Variants in LRMDA observed in about 807,000 individuals in gnomAD.
LRMDA encodes the protein leucine rich melanocyte differentiation associated.
LRMDA carries 18 observed loss-of-function variants against 29.8 expected under a neutral mutation model. That is an observed-to-expected ratio of 0.60 (90% CI 0.42 to 0.90). The LOEUF (loss-of-function observed/expected upper bound fraction) is 0.90. Among genes scored for constraint, LRMDA ranks in the 40% least tolerant of loss-of-function variants. LRMDA has a pLI of 0.00. For missense variants in LRMDA, 273 were observed against 273.9 expected (o/e 1.00, Z 0.02); for synonymous variants, 125 against 109.4 (o/e 1.14, Z -0.89).
rs1165888099 is a variant in LRMDA at position 76,497,014 on chromosome 10, G to A, written c.602-60195G>A. On this transcript the variant is annotated intron_variant, in intron 6 of 6. Transcript: ENST00000611255. Reference sequence around the variant, plus strand: ...TTGTGTAGGTTTCTTGTCTGCCAAGGCAATGAACAGATACATTATGGTCAC... The same window carrying A: ...TTGTGTAGGTTTCTTGTCTGCCAAGACAATGAACAGATACATTATGGTCAC... Among the ~76,000 whole-genome samples, 5 of 75,224 alleles carry A rather than the reference G, an allele frequency of 6.6e-5. 2 individuals are homozygous for A. The highest frequency in any genetic ancestry group is 1.6e-4 in the African/African-American group (5 of 30,930). The allele number at this position is 75,224 out of a possible 152,430, so 49.3% of individuals were successfully genotyped here.
chr10:75,884,272 T>TGTGTGG (rs1554831850), intron 2 of LRMDA, among the ~76,000 whole-genome samples: 6 of 145,368 alleles, frequency 4.1e-5, no homozygotes, highest in African/African-American at 1.4e-4. Flanking sequence ...TGTGTGTGTG[T>TGTGTGG]GTGTGTGTGT....
At chr10:76,070,842 C>T (rs920485621) in intron 5 of LRMDA, among the ~76,000 whole-genome samples, 9 of 152,132 alleles carry the variant, frequency 5.9e-5, no homozygotes, top group East Asian at 5.8e-4. Context: ...CCTCAGCCAC[C>T]GCACGAGACC....
intron 5 of LRMDA, among the ~76,000 whole-genome samples, chr10:76,213,251 C>A (rs1366001809): frequency 6.6e-6 from 1 of 152,192 alleles, no homozygotes; most frequent in Admixed American, 6.5e-5. Context: ...ATCTCTCTGT[C>A]GGGTGATTCA....
rs143353945 is a variant in LRMDA, at chr10:75,566,513, C to A, written c.131+128019C>A. On this transcript the variant is annotated intron_variant, in intron 2 of 6. Coordinates refer to ENST00000611255, the MANE Select transcript of LRMDA (RefSeq NM_001305581.2). Reference sequence around the variant, plus strand: ...AGCACTGCTAAGACTAAAATACTTTCTTAAAGGCCTCACATGGCTTTCTAG... The same window carrying A: ...AGCACTGCTAAGACTAAAATACTTTATTAAAGGCCTCACATGGCTTTCTAG... Among the ~76,000 whole-genome samples the A allele has an allele frequency of 1.7e-3, 259 of 152,268 alleles. 1 individual carries two copies. Among genetic ancestry groups the A allele is most frequent in the African/African-American group, 5.8e-3 (240 of 41,564 alleles).
chr10:76,199,859 T>A (rs994052977), intron 5 of LRMDA, among the ~76,000 whole-genome samples: 12 of 152,220 alleles, frequency 7.9e-5, no homozygotes, highest in African/African-American at 2.7e-4. Context: ...ATCTACAACA[T>A]GTGATGCACA....
At chr10:76,347,419 A>G (rs1259694559) in intron 6 of LRMDA, among the ~76,000 whole-genome samples, 8 of 152,336 alleles carry the variant, frequency 5.3e-5, no homozygotes, top group African/African-American at 1.7e-4. Context: ...TATAAATGCC[A>G]TTTAGAGAAA....
intron 5 of LRMDA, among the ~76,000 whole-genome samples, chr10:76,179,607 C>T (rs1005286583): frequency 6.6e-6 from 1 of 152,186 alleles, no homozygotes; most frequent in Admixed American, 6.5e-5. Flanking sequence ...CATCCTCAAA[C>T]ATTTGAACCG....
chr10:75,673,649 G>C (rs967271085), intron 2 of LRMDA, among the ~76,000 whole-genome samples: 2 of 152,154 alleles, frequency 1.3e-5, no homozygotes, highest in Non-Finnish European at 2.9e-5. Context: ...TTGCTGAGCA[G>C]AAATGTGAAG....
intron 2 of LRMDA, among the ~76,000 whole-genome samples, chr10:75,608,137 C>CAT (rs1210080229): frequency 3.0e-5 from 2 of 67,114 alleles, no homozygotes; most frequent in East Asian, 9.6e-4. Context: ...TATACACACA[C>CAT]ATACACAAAG....
At chr10:75,981,249 G>A (rs1031155678) in intron 2 of LRMDA, among the ~76,000 whole-genome samples, 1 of 152,122 alleles carries the variant, frequency 6.6e-6, no homozygotes, top group African/African-American at 2.4e-5. Flanking sequence ...AAGTCCATTT[G>A]TCTGACAATT....
At chr10:76,324,537 G>A (rs779505497) in intron 6 of LRMDA, 52 bp downstream of exon 6, 49 of 1,509,234 alleles carry the variant, frequency 3.2e-5, no homozygotes, top group Non-Finnish European at 4.4e-5. Context: ...GGGACACTTG[G>A]CTGTGCAGAG....
intron 6 of LRMDA, among the ~76,000 whole-genome samples, chr10:76,445,934 T>G (rs1842350156): frequency 6.6e-6 from 1 of 152,224 alleles, no homozygotes; most frequent in Admixed American, 6.5e-5. Context: ...ATCATTTTTA[T>G]TATTAAGAAA....
chr10:76,430,816 C>T (rs990261697), intron 6 of LRMDA, among the ~76,000 whole-genome samples: 1 of 152,148 alleles, frequency 6.6e-6, no homozygotes, highest in Non-Finnish European at 1.5e-5. Flanking sequence ...TGAGTGATTT[C>T]AACCTCCTAA....
intron 6 of LRMDA, among the ~76,000 whole-genome samples, chr10:76,385,519 G>T (rs557729928): frequency 6.6e-6 from 1 of 152,254 alleles, no homozygotes; most frequent in East Asian, 1.9e-4. Context: ...CAATTATTCT[G>T]GTTTTTCAAA....
intron 5 of LRMDA, among the ~76,000 whole-genome samples, chr10:76,190,467 T>C (rs1232059122): frequency 3.3e-5 from 5 of 152,130 alleles, no homozygotes; most frequent in Non-Finnish European, 7.4e-5. Context: ...TTTTGGTAAA[T>C]CTTCATGTTT....
intron 6 of LRMDA, among the ~76,000 whole-genome samples, chr10:76,348,155 T>C (rs1450158227): frequency 2.6e-5 from 4 of 151,970 alleles, no homozygotes; most frequent in African/African-American, 9.7e-5. Context: ...AGATTAGAAA[T>C]CAAAATGTAG....
chr10:75,670,227 A>G (rs1484891816), intron 2 of LRMDA, among the ~76,000 whole-genome samples: 1 of 152,234 alleles, frequency 6.6e-6, no homozygotes, highest in Non-Finnish European at 1.5e-5. Context: ...CTCCTTCATT[A>G]GCAAAAATGA....
At chr10:75,638,501 C>T (rs573126031) in intron 2 of LRMDA, among the ~76,000 whole-genome samples, 2 of 152,280 alleles carry the variant, frequency 1.3e-5, no homozygotes, top group African/African-American at 4.8e-5. Context: ...TACTTTTTCC[C>T]CTTTCTCTGT....
intron 2 of LRMDA, among the ~76,000 whole-genome samples, chr10:75,659,470 A>T (rs1001457557): frequency 6.6e-6 from 1 of 152,182 alleles, no homozygotes; most frequent in African/African-American, 2.4e-5. Flanking sequence ...ACATTGTGAA[A>T]TGATTGGAGA....
Sources: gnomAD v4.1 joint callset for allele counts (sites outside exome capture counted in the v4.1 genomes callset) on GRCh38, gnomAD v4.1.1 for gene constraint, MANE v1.5 for transcripts, NCBI Gene and HGNC (gene_info 2026-07-23, HGNC 2026-07-21) for gene names.